The following SLC17A5 variants were observed in gnomAD, a reference collection of about 807,000 sequenced individuals.
SLC17A5 encodes the protein solute carrier family 17 member 5.
In SLC17A5, 47 loss-of-function variants were observed where a neutral mutation model predicts 59.4. The ratio of observed to expected loss-of-function variants is 0.79; its 90% CI spans 0.63 to 1.01. The LOEUF is 1.01. Ranked by LOEUF, SLC17A5 falls within the 50% of genes least tolerant of loss-of-function variation. The pLI, the probability that SLC17A5 is intolerant of heterozygous loss-of-function variation, is 0.00. For synonymous variants in SLC17A5, 202 were observed against 210.7 expected, an observed-to-expected ratio of 0.96 and a Z score of 0.36; for missense variants, 522 against 595.5, an observed-to-expected ratio of 0.88 and a Z score of 1.28.
At chr6:73,623,707 T>C (rs1768269518) in intron 6 of SLC17A5, among the ~76,000 whole-genome samples, 1 of 143,400 alleles carries the variant, frequency 7.0e-6, no homozygotes, top group African/African-American at 2.7e-5. Context: ...TATTTATTTA[T>C]TTATTTTTGA....
intron 8 of SLC17A5, among the ~76,000 whole-genome samples, chr6:73,613,400 C>T (rs952115582): frequency 2.0e-5 from 3 of 151,600 alleles, no homozygotes; most frequent in Non-Finnish European, 4.4e-5. Context: ...GGATCTCACT[C>T]TGTTGCCCAG....
intron 10 of SLC17A5, among the ~76,000 whole-genome samples, chr6:73,598,908 C>T (rs1766937363): frequency 2.0e-5 from 3 of 151,652 alleles, no homozygotes; most frequent in South Asian, 2.1e-4. Context: ...CGCCGGAACC[C>T]GGGAGGCAAA....
chr6:73,608,072 C>T (rs1268444806), intron 9 of SLC17A5, among the ~76,000 whole-genome samples: 2 of 152,110 alleles, frequency 1.3e-5, no homozygotes, highest in African/African-American at 2.4e-5. Flanking sequence ...CTACCGTGCC[C>T]GGCTCAAAAT....
intron 10 of SLC17A5, 58 bp downstream of exon 10, chr6:73,600,293 T>C (rs909036210): frequency 1.3e-5 from 17 of 1,264,560 alleles, no homozygotes; most frequent in Non-Finnish European, 1.8e-5. Flanking sequence ...ACACTGAACT[T>C]TGACACAGAT....
intron 9 of SLC17A5, among the ~76,000 whole-genome samples, chr6:73,602,997 A>C (rs1767221012): frequency 6.6e-6 from 1 of 152,146 alleles, no homozygotes; most frequent in African/African-American, 2.4e-5. Flanking sequence ...ATGAAGTAAA[A>C]TTACCTATAA....
At chr6:73,644,750 G>T in intron 1 of SLC17A5, 147 bp from the exon 2 acceptor site, 1 of 673,256 alleles carries the variant, frequency 1.5e-6, no homozygotes, top group Non-Finnish European at 2.5e-6. Context: ...GTGATTATAG[G>T]CATTGGCCAC....
At chr6:73,635,214 G>C (rs1195025585) in intron 6 of SLC17A5, 168 bp downstream of exon 6, 1 of 522,950 alleles carries the variant, frequency 1.9e-6, no homozygotes, top group Non-Finnish European at 3.4e-6. Context: ...GATTACAAGT[G>C]TGAGCCACTG....
chr6:73,625,159 C>T (rs891780068), intron 6 of SLC17A5, among the ~76,000 whole-genome samples: 9 of 152,068 alleles, frequency 5.9e-5, no homozygotes, highest in Non-Finnish European at 4.4e-5. Flanking sequence ...TAGATATGCT[C>T]TTGTGTTTTT....
At chr6:73,638,759 C>T (rs1265064333) in intron 3 of SLC17A5, among the ~76,000 whole-genome samples, 1 of 151,640 alleles carries the variant, frequency 6.6e-6, no homozygotes, top group African/African-American at 2.4e-5. Context: ...TGCTTGAGCC[C>T]AGGAGTTCGA....
intron 6 of SLC17A5, among the ~76,000 whole-genome samples, chr6:73,633,535 A>G (rs1768861771): frequency 6.6e-6 from 1 of 151,812 alleles, no homozygotes; most frequent in South Asian, 2.1e-4. Flanking sequence ...CCCAGCCAAG[A>G]CTAAGTTTTT....
chr6:73,600,233 G>T, intron 10 of SLC17A5, 118 bp downstream of exon 10: 2 of 828,632 alleles, frequency 2.4e-6, no homozygotes, highest in Non-Finnish European at 4.0e-6. Context: ...GCTTTTTGTT[G>T]CTAAAAAGAA....
intron 10 of SLC17A5, among the ~76,000 whole-genome samples, chr6:73,596,701 A>T (rs1766820405): frequency 6.6e-6 from 1 of 151,996 alleles, no homozygotes; most frequent in Non-Finnish European, 1.5e-5. Flanking sequence ...CTAAAAAAAT[A>T]AAAAATTAGC....
Position 73,619,930 on chromosome 6 carries a change from T to TG in SLC17A5, c.978+1873_978+1874insC, listed in dbSNP as rs1340975283. ...TATGATTTTGAGAATTTGTTTTTTTTTTTTTTTTTTTGAGATGGAGTCTTG... is the reference window on the plus strand; with the variant it reads ...TATGATTTTGAGAATTTGTTTTTTTTGTTTTTTTTTTTGAGATGGAGTCTTG... On this transcript the variant is annotated intron_variant, in intron 7 of 10. Coordinates refer to ENST00000355773, the MANE Select transcript of SLC17A5 (RefSeq NM_012434.5). Among the ~76,000 whole-genome samples the TG allele has an allele frequency of 4.7e-5, 7 of 149,564 alleles. No individual in the cohort carries two copies. In the East Asian group the frequency reaches 1.2e-3, roughly 25 times the overall value.
At chr6:73,650,369 C>T (rs1357367149) in intron 1 of SLC17A5, among the ~76,000 whole-genome samples, 1 of 151,048 alleles carries the variant, frequency 6.6e-6, no homozygotes, top group South Asian at 2.1e-4. Flanking sequence ...ATTAGCCGGG[C>T]GTGGTGGCGG....
At chr6:73,611,981 G>A (rs480871) in intron 8 of SLC17A5, among the ~76,000 whole-genome samples, 63,270 of 151,456 alleles carry the variant, frequency 0.42, 14,032 homozygotes, top group African/African-American at 0.57. Flanking sequence ...ACAGGTGCAC[G>A]CCACCATGTC....
chr6:73,645,847 A>T (rs1379469481), intron 1 of SLC17A5, among the ~76,000 whole-genome samples: 1 of 151,120 alleles, frequency 6.6e-6, no homozygotes, highest in Non-Finnish European at 1.5e-5. Context: ...CAATAAAAGG[A>T]TCATGTGAGA....
rs1561997520 is a variant in SLC17A5, at chr6:73,635,518, ATAGT to A, written c.701-22_701-19del. 3 of 1,228,696 alleles carry A rather than the reference ATAGT, an allele frequency of 2.4e-6. No homozygotes were observed. Among genetic ancestry groups the A allele is most frequent in the African/African-American group, 1.5e-5 (1 of 66,512 alleles). The allele number at this position is 1,228,696 out of a possible 1,614,324, so 76.1% of individuals were successfully genotyped here. A position where few individuals can be genotyped will look rare whatever the true frequency, so the allele number is the denominator to read the frequency against. ...AATAGTACCTTAAAATAGAAAAATA[ATAGT>A]TAGATAAAATTAGAATGTACCAAAT... On this transcript the variant is annotated intron_variant, in intron 5 of 10. Transcript: ENST00000355773.
chr6:73,639,528 A>G (rs960978573), intron 3 of SLC17A5, among the ~76,000 whole-genome samples: 1 of 152,240 alleles, frequency 6.6e-6, no homozygotes, highest in African/African-American at 2.4e-5. Flanking sequence ...ATGAGTCATT[A>G]TAGAAGAAAA....
chr6:73,637,034 G>T (rs1277371428), intron 4 of SLC17A5, among the ~76,000 whole-genome samples: 2 of 151,920 alleles, frequency 1.3e-5, no homozygotes, highest in African/African-American at 4.8e-5. Context: ...TGCAGTGAGG[G>T]GCGATTGTGC....
Sources: allele counts gnomAD v4.1 joint callset (sites outside exome capture counted in the v4.1 genomes callset), GRCh38; gene constraint gnomAD v4.1.1; transcripts MANE v1.5; gene names NCBI Gene and HGNC (gene_info 2026-07-23, HGNC 2026-07-21).